ITFG2: variants seen among roughly 807,000 people sequenced by gnomAD.
The protein encoded by ITFG2 is integrin alpha FG-GAP repeat containing 2.
In ITFG2, 36 loss-of-function variants were observed where a neutral mutation model predicts 54.4. The ratio of observed to expected loss-of-function variants is 0.66; its 90% CI spans 0.51 to 0.87. The LOEUF (loss-of-function observed/expected upper bound fraction) is 0.87. Among genes scored for constraint, ITFG2 ranks in the 40% least tolerant of loss-of-function variants. The probability of loss-of-function intolerance (pLI) is 0.00; values close to 1 mark genes in which losing one functional copy is unlikely to be tolerated. For synonymous variants in ITFG2, 211 were observed against 225.4 expected (o/e 0.94, Z 0.57); for missense variants, 524 against 576.7 (o/e 0.91, Z 0.94).
At chr12:2,854,179 C>T (rs2098080083) in intron 2 of ITFG2, among the ~76,000 whole-genome samples, 1 of 152,184 alleles carries the variant, frequency 6.6e-6, no homozygotes, top group Non-Finnish European at 1.5e-5. Flanking sequence ...GCACCCATCA[C>T]CACACCCGGC....
intron 3 of ITFG2, 40 bp downstream of exon 3, chr12:2,817,990 A>T: frequency 6.2e-7 from 1 of 1,611,406 alleles, no homozygotes; most frequent in East Asian, 2.2e-5. Flanking sequence ...CTTAGCTCAC[A>T]GTGGAAATCA....
Position 2,849,401 on chromosome 12 carries a change from T to C in ITFG2, n.300+8406T>C, listed in dbSNP as rs923612139. On this transcript the variant is annotated intron_variant and non_coding_transcript_variant, in intron 2 of 3. Transcript: ENST00000537710. The stretch of plus-strand genomic sequence containing the variant: ...GGCAGCAAGGCCAGCTTTAGCACCT[T>C]CTCCTGGTAGTGAGGCAGAGGGTTT... 5.9e-6 allele frequency: 9 copies of C among 1,536,144 alleles called. No individual in the cohort carries two copies. The Admixed American group carries it at 1.6e-4, about 27-fold the overall frequency.
chr12:2,824,055 C>T, intron 11 of ITFG2, 35 bp from the exon 12 acceptor site: 1 of 1,613,982 alleles, frequency 6.2e-7, no homozygotes, highest in Non-Finnish European at 8.5e-7. Context: ...CCCAGGAGAC[C>T]CACAGCCTCT....
chr12:2,853,553 G>A (rs1210615482), intron 2 of ITFG2, among the ~76,000 whole-genome samples: 2 of 151,944 alleles, frequency 1.3e-5, no homozygotes, highest in African/African-American at 4.8e-5. Flanking sequence ...GATTACAGGC[G>A]TGAGCCACCA....
chr12:2,815,102 A>C (rs1406538918), intron 1 of ITFG2, among the ~76,000 whole-genome samples: 1 of 151,918 alleles, frequency 6.6e-6, no homozygotes, highest in Non-Finnish European at 1.5e-5. Flanking sequence ...TCGGCCTCCC[A>C]AAAGTAGCTG....
chr12:2,820,656 C>CCCCCCCTTTT, intron 5 of ITFG2, 68 bp from the exon 6 acceptor site: 3 of 1,141,416 alleles, frequency 2.6e-6, no homozygotes, highest in East Asian at 2.7e-5. Context: ...CCACCGCCCC[C>CCCCCCCTTTT]TGCCGTTCTC....
At chr12:2,858,948 G>A (rs2098100413) in intron 3 of ITFG2, 1 of 1,613,528 alleles carries the variant, frequency 6.2e-7, no homozygotes, top group Non-Finnish European at 8.5e-7. Context: ...CAAGGGAGTG[G>A]TGCTGAGATC....
chr12:2,819,342 C>T (rs2097934218), intron 4 of ITFG2, among the ~76,000 whole-genome samples: 1 of 152,050 alleles, frequency 6.6e-6, no homozygotes, highest in Admixed American at 6.6e-5. Flanking sequence ...GTGGTGGGCA[C>T]CTGTAGTCCC....
chr12:2,813,499 G>T (rs962113987), intron 1 of ITFG2, among the ~76,000 whole-genome samples: 3 of 152,156 alleles, frequency 2.0e-5, no homozygotes, highest in African/African-American at 7.2e-5. Flanking sequence ...CCAGTCCTCA[G>T]ATAGCTCATA....
At chr12:2,858,755 G>A (rs748758384) in intron 3 of ITFG2, 16 of 1,614,104 alleles carry the variant, frequency 9.9e-6, no homozygotes, top group Non-Finnish European at 1.3e-5. Flanking sequence ...CATTCATTGT[G>A]TCCAGGACCA....
chr12:2,830,545 C>T, intron 2 of ITFG2: 1 of 650,384 alleles, frequency 1.5e-6, no homozygotes, highest in South Asian at 2.3e-5. Context: ...TGGCTTGGGG[C>T]AGGGAGGAAG....
chr12:2,859,626 G>A, exon 4 of ITFG2: 1 of 1,611,766 alleles, frequency 6.2e-7, no homozygotes, highest in South Asian at 1.1e-5. Context: ...TGGTCCTGCA[G>A]AAGAAAGAGG....
At chr12:2,834,782 C>T (rs2098020195), upstream of ITFG2, 3 of 1,613,772 alleles carry the variant, frequency 1.9e-6, no homozygotes, top group South Asian at 2.2e-5. Context: ...GCCTCCTGCC[C>T]CCTCGTCCTG....
intron 2 of ITFG2, chr12:2,830,680 G>A: frequency 6.3e-7 from 1 of 1,591,460 alleles, no homozygotes; most frequent in South Asian, 1.1e-5. Context: ...GGTTGTTAAT[G>A]AAAGTGTGTC....
intron 3 of ITFG2, chr12:2,859,489 T>C (rs1170788329): frequency 1.9e-6 from 3 of 1,613,988 alleles, no homozygotes; most frequent in South Asian, 2.2e-5. Context: ...AAGGGAGGGC[T>C]CTCCACTTTG....
intron 2 of ITFG2, chr12:2,849,245 GTCT>G (rs1189261490): frequency 1.5e-5 from 23 of 1,535,810 alleles, no homozygotes; most frequent in Non-Finnish European, 2.0e-5. Context: ...AAGTGTCCAG[GTCT>G]TCTCTTCCTC....
At position 2,817,209 on chromosome 12, in the gene ITFG2, C is replaced by T. The variant is rs770524985; in HGVS notation, c.97-14C>T. On this transcript the variant is annotated splice_polypyrimidine_tract_variant and intron_variant, in intron 1 of 11. Coordinates refer to ENST00000228799, the MANE Select transcript of ITFG2 (RefSeq NM_018463.4). ...GAGTCCCATCCTAACGCTTTCTTCT[C>T]TCTCCATTTGAAGTTAAATGAACTG... The T allele has an allele frequency of 1.3e-6, 2 of 1,585,916 alleles. No homozygotes were observed. The highest frequency in any genetic ancestry group is 1.1e-5 in the South Asian group (1 of 89,986).
At chr12:2,848,074 T>C (rs1052316514) in intron 2 of ITFG2, among the ~76,000 whole-genome samples, 18 of 152,250 alleles carry the variant, frequency 1.2e-4, no homozygotes, top group Admixed American at 1.0e-3. Flanking sequence ...GTGAGGAACC[T>C]GAAAGCCAGA....
chr12:2,858,873 G>C, intron 3 of ITFG2: 1 of 1,614,150 alleles, frequency 6.2e-7, no homozygotes, highest in South Asian at 1.1e-5. Context: ...AAAGGGGACG[G>C]AGATGAGGTC....
Sources: gnomAD v4.1 joint callset for allele counts (sites outside exome capture counted in the v4.1 genomes callset) on GRCh38, gnomAD v4.1.1 for gene constraint, MANE v1.5 for transcripts, NCBI Gene and HGNC (gene_info 2026-07-23, HGNC 2026-07-21) for gene names.